KCNMA1: variants seen among roughly 807,000 people sequenced by gnomAD.
KCNMA1 encodes the protein Calcium-activated potassium channel subunit alpha-1.
A neutral mutation model predicts 140.0 loss-of-function variants in KCNMA1; 29 were observed. The ratio of observed to expected loss-of-function variants is 0.21; its 90% CI spans 0.15 to 0.28. The LOEUF (loss-of-function observed/expected upper bound fraction) is 0.28, where lower values mean the gene tolerates loss of function less well. Ranked by LOEUF, KCNMA1 falls within the 10% of genes least tolerant of loss-of-function variation. The probability of loss-of-function intolerance (pLI) is 1.00; values close to 1 mark genes in which losing one functional copy is unlikely to be tolerated. For missense variants in KCNMA1, 880 were observed against 1,602.2 expected, an observed-to-expected ratio of 0.55 and a Z score of 7.70; for synonymous variants, 612 against 611.9, an observed-to-expected ratio of 1.00 and a Z score of 0.00.
At chr10:77,186,243 A>T (rs906415794) in intron 3 of KCNMA1, among the ~76,000 whole-genome samples, 1 of 152,118 alleles carries the variant, frequency 6.6e-6, no homozygotes, top group Non-Finnish European at 1.5e-5. Flanking sequence ...CAAGTCAAAC[A>T]TGCCCTATAT....
chr10:77,454,544 T>C (rs2097723756), intron 1 of KCNMA1, among the ~76,000 whole-genome samples: 1 of 152,194 alleles, frequency 6.6e-6, no homozygotes, highest in East Asian at 1.9e-4. Context: ...CAGTTTTGTG[T>C]TTTAGCCACC....
chr10:76,916,017 A>C (rs1271959070), intron 23 of KCNMA1, among the ~76,000 whole-genome samples: 1 of 146,220 alleles, frequency 6.8e-6, no homozygotes, highest in African/African-American at 2.5e-5. Context: ...TATACACATA[A>C]ACACACACAC....
At chr10:77,212,749 A>G (rs767517025) in intron 3 of KCNMA1, among the ~76,000 whole-genome samples, 4 of 152,028 alleles carry the variant, frequency 2.6e-5, no homozygotes, top group African/African-American at 9.7e-5. Flanking sequence ...GGTTAAGGAA[A>G]TGAGAGCAAT....
intron 14 of KCNMA1, among the ~76,000 whole-genome samples, chr10:77,069,414 T>C (rs1176215269): frequency 6.6e-6 from 1 of 152,116 alleles, no homozygotes; most frequent in Non-Finnish European, 1.5e-5. Context: ...CCAGCTTGAG[T>C]CTCTTTCCTA....
intron 3 of KCNMA1, among the ~76,000 whole-genome samples, chr10:77,189,341 C>T (rs1042786752): frequency 4.6e-5 from 7 of 152,072 alleles, no homozygotes; most frequent in South Asian, 4.1e-4. Context: ...TAGCTAATTG[C>T]TGGGATCAAG....
intron 2 of KCNMA1, among the ~76,000 whole-genome samples, chr10:77,368,667 C>T (rs2094505348): frequency 6.6e-6 from 1 of 152,152 alleles, no homozygotes; most frequent in African/African-American, 2.4e-5. Flanking sequence ...TATAGTTTTA[C>T]ACTTATATCT....
intron 2 of KCNMA1, among the ~76,000 whole-genome samples, chr10:77,302,035 T>C (rs1274934042): frequency 6.6e-6 from 1 of 152,020 alleles, no homozygotes; most frequent in Non-Finnish European, 1.5e-5. Flanking sequence ...CGCCATGTCC[T>C]ACATGTTGGA....
At chr10:76,950,538 C>T (rs964085846) in intron 21 of KCNMA1, among the ~76,000 whole-genome samples, 2 of 152,206 alleles carry the variant, frequency 1.3e-5, no homozygotes, top group African/African-American at 4.8e-5. Context: ...CTCTGCCTCT[C>T]CTTCTGGTTC....
chr10:76,916,249 A>G (rs1471286952), intron 23 of KCNMA1, among the ~76,000 whole-genome samples: 1 of 152,110 alleles, frequency 6.6e-6, no homozygotes, highest in Non-Finnish European at 1.5e-5. Context: ...TGGACACAGG[A>G]AAATTGGAAA....
At chr10:77,452,178 G>T (rs12571330) in intron 1 of KCNMA1, among the ~76,000 whole-genome samples, 2 of 152,126 alleles carry the variant, frequency 1.3e-5, no homozygotes, top group African/African-American at 4.8e-5. Context: ...TGATCTTTTC[G>T]CCTGCCATGA....
At chr10:77,025,316 A>T in intron 16 of KCNMA1, 1 of 452,886 alleles carries the variant, frequency 2.2e-6, no homozygotes, top group Non-Finnish European at 4.1e-6. Context: ...TACACCAGAC[A>T]AGGGAATGAG....
intron 1 of KCNMA1, among the ~76,000 whole-genome samples, chr10:77,632,284 AG>A (rs2093307408): frequency 6.6e-6 from 1 of 152,136 alleles, no homozygotes; most frequent in Non-Finnish European, 1.5e-5. Context: ...GTCTTGGAAA[AG>A]CTGGTCTGGG....
rs200295669 is a variant in KCNMA1, at chr10:76,953,769, G to A, written c.2484+32C>T. ...AGCAAATGTGGTTTGGGGCAGAAGC[G>A]GGCAACATCAGATGCACAGTCCCTC... On this transcript the variant is annotated intron_variant, in intron 21 of 27. Transcript: ENST00000286628. 146 of 1,613,724 alleles carry A rather than the reference G, an allele frequency of 9.0e-5. No homozygotes were observed. In the East Asian group the frequency reaches 2.2e-3, roughly 24 times the overall value.
chr10:77,184,237 T>C (rs2098827822), intron 4 of KCNMA1, among the ~76,000 whole-genome samples: 1 of 152,192 alleles, frequency 6.6e-6, no homozygotes, highest in South Asian at 2.1e-4. Context: ...TTTATTTTTT[T>C]GAGATGGAGT....
chr10:77,186,329 G>T (rs1432048561), intron 3 of KCNMA1, among the ~76,000 whole-genome samples: 1 of 149,930 alleles, frequency 6.7e-6, no homozygotes, highest in African/African-American at 2.4e-5. Flanking sequence ...AAACTAGGTG[G>T]ACTGAACAAA....
chr10:76,880,903 T>A (rs1465166781), downstream of KCNMA1, among the ~76,000 whole-genome samples: 1 of 152,228 alleles, frequency 6.6e-6, no homozygotes, highest in East Asian at 1.9e-4. Context: ...GTGGGAGGGC[T>A]TCCTCGCTGC....
intron 2 of KCNMA1, among the ~76,000 whole-genome samples, chr10:77,375,085 A>C (rs1250345159): frequency 1.3e-5 from 2 of 152,148 alleles, no homozygotes; most frequent in African/African-American, 4.8e-5. Flanking sequence ...AAAAGTCAAG[A>C]GGAAGAGGAA....
intron 3 of KCNMA1, among the ~76,000 whole-genome samples, chr10:77,241,471 C>A (rs762124710): frequency 7.4e-6 from 1 of 136,036 alleles, no homozygotes; most frequent in Non-Finnish European, 1.5e-5. Context: ...CAGTGAGACC[C>A]CCCCATCTCT....
chr10:77,559,172 G>A (rs7913805), intron 1 of KCNMA1, among the ~76,000 whole-genome samples: 1 of 152,170 alleles, frequency 6.6e-6, no homozygotes, highest in African/African-American at 2.4e-5. Context: ...TAGGGCAATG[G>A]GGCATACGTC....
Sources: gnomAD v4.1 joint callset for allele counts (sites outside exome capture counted in the v4.1 genomes callset) on GRCh38, gnomAD v4.1.1 for gene constraint, MANE v1.5 for transcripts, NCBI Gene and HGNC (gene_info 2026-07-23, HGNC 2026-07-21) for gene names.